Variants in PTPRE observed in about 807,000 individuals in gnomAD.
The protein encoded by PTPRE is receptor-type tyrosine-protein phosphatase epsilon.
PTPRE carries 51 observed loss-of-function variants against 102.0 expected under a neutral mutation model. The observed-to-expected ratio is 0.50, with a 90% CI of 0.40 to 0.63. The LOEUF is 0.63. PTPRE is among the 30% of genes least tolerant of loss of function. The pLI is 0.00. For synonymous variants in PTPRE, 345 were observed against 348.2 expected (o/e 0.99, Z 0.10); for missense variants, 752 against 915.1 (o/e 0.82, Z 2.30).
intron 16 of PTPRE, chr10:128,072,591 G>GCAGTGAGCTGAGATTA (rs1850869226): frequency 6.2e-6 from 1 of 161,634 alleles, no homozygotes; most frequent in Non-Finnish European, 1.3e-5. Flanking sequence ...GGCTGAGGTT[G>GCAGTGAGCTGAGATTA]CAGTGAGCTG....
intron 12 of PTPRE, 171 bp from the exon 13 acceptor site, chr10:128,069,521 T>C (rs1207038482): frequency 1.2e-6 from 1 of 839,434 alleles, no homozygotes; most frequent in Non-Finnish European, 1.8e-6. Flanking sequence ...CTGAGATCAC[T>C]TTACTGAGAC....
rs116514568 is a variant in PTPRE at position 128,035,544 on chromosome 10, T to C, written c.-7-5331T>C. Among the ~76,000 whole-genome samples, 303 of 152,266 alleles carry C rather than the reference T, an allele frequency of 2.0e-3. 1 individual carries two copies. Among genetic ancestry groups the C allele is most frequent in the African/African-American group, 7.0e-3 (289 of 41,546 alleles). On this transcript the variant is annotated intron_variant, in intron 2 of 20. Coordinates refer to ENST00000254667, the MANE Select transcript of PTPRE (RefSeq NM_006504.6). ...AAGTGCGGTGGCTTTGAAACCTGAG[T>C]ATGGCTCCCAAATCATTGTCTCCTG... is the stretch of plus-strand genomic sequence containing the variant.
intron 2 of PTPRE, among the ~76,000 whole-genome samples, chr10:128,005,471 T>C (rs1365397433): frequency 2.6e-5 from 4 of 152,332 alleles, no homozygotes; most frequent in African/African-American, 9.6e-5. Context: ...TCATAGTCTG[T>C]CTTCCCCATC....
intron 2 of PTPRE, among the ~76,000 whole-genome samples, chr10:128,011,931 GAA>G (rs1845053548): frequency 6.6e-6 from 1 of 152,214 alleles, no homozygotes; most frequent in Non-Finnish European, 1.5e-5. Flanking sequence ...CCTAAGGGCG[GAA>G]ACTGTCCCAA....
intron 1 of PTPRE, among the ~76,000 whole-genome samples, chr10:127,958,232 C>T (rs912713346): frequency 6.6e-6 from 1 of 152,110 alleles, no homozygotes; most frequent in African/African-American, 2.4e-5. Flanking sequence ...CATATGATAT[C>T]AGAAAGGAGT....
At chr10:127,921,341 G>T (rs1278585375) in intron 1 of PTPRE, among the ~76,000 whole-genome samples, 2 of 152,206 alleles carry the variant, frequency 1.3e-5, no homozygotes, top group Non-Finnish European at 2.9e-5. Context: ...GATTTGAAAA[G>T]GGATTGAGAC....
chr10:128,016,735 C>A (rs1845465868), intron 2 of PTPRE, among the ~76,000 whole-genome samples: 1 of 152,152 alleles, frequency 6.6e-6, no homozygotes, highest in South Asian at 2.1e-4. Flanking sequence ...CCCAGTGGCC[C>A]CAGTCATGCT....
chr10:128,056,246 T>C (rs764995229), intron 7 of PTPRE, 33 bp downstream of exon 7: 3 of 1,551,702 alleles, frequency 1.9e-6, no homozygotes, highest in South Asian at 2.2e-5. Context: ...GCATGATCAA[T>C]GGTGTTTGCA....
chr10:128,072,307 A>G (rs1850840943), intron 16 of PTPRE, 93 bp downstream of exon 16: 2 of 1,160,360 alleles, frequency 1.7e-6, no homozygotes, highest in Admixed American at 5.4e-5. Context: ...ATGAGAAAGA[A>G]TTGACATGTT....
At chr10:127,958,490 A>G (rs1321460067) in intron 1 of PTPRE, among the ~76,000 whole-genome samples, 1 of 152,090 alleles carries the variant, frequency 6.6e-6, no homozygotes, top group Non-Finnish European at 1.5e-5. Flanking sequence ...GATGTGATGG[A>G]TTACATTAAT....
intron 2 of PTPRE, chr10:127,999,992 C>T (rs1853702171): frequency 1.0e-6 from 1 of 981,750 alleles, no homozygotes; most frequent in South Asian, 4.7e-5. Context: ...AGCGCAGACG[C>T]GGAAAGGGAT....
rs377579098 is a variant in PTPRE, at chr10:128,035,069, G to A, written c.-7-5806G>A. 1.8e-4 allele frequency among the ~76,000 whole-genome samples: 27 copies of A among 151,936 alleles called. No homozygotes were observed. In the South Asian group the frequency reaches 2.5e-3, roughly 14 times the overall value. The stretch of plus-strand genomic sequence containing the variant: ...CATGATCTCGGCTATTGCAACCTCC[G>A]CTTCCCAAGCTCAAGTGATCCTCCC... On this transcript the variant is annotated intron_variant, in intron 2 of 20. Transcript: ENST00000254667.
intron 1 of PTPRE, among the ~76,000 whole-genome samples, chr10:127,979,187 C>T (rs1007454607): frequency 6.6e-6 from 1 of 152,140 alleles, no homozygotes; most frequent in African/African-American, 2.4e-5. Flanking sequence ...AGGACAACAA[C>T]GTTCAAGAGA....
chr10:127,943,533 G>C (rs1170956754), intron 1 of PTPRE, among the ~76,000 whole-genome samples: 1 of 152,180 alleles, frequency 6.6e-6, no homozygotes, highest in Non-Finnish European at 1.5e-5. Flanking sequence ...AGGAAGGTCG[G>C]TGAAGACCCC....
intron 2 of PTPRE, among the ~76,000 whole-genome samples, chr10:128,010,109 C>T (rs1022673286): frequency 2.6e-5 from 4 of 152,208 alleles, no homozygotes; most frequent in Admixed American, 6.5e-5. Flanking sequence ...TGGGCAGCCC[C>T]TGGGTGCCAG....
At chr10:127,934,445 G>C (rs1230528558) in intron 1 of PTPRE, 1 of 152,176 alleles carries the variant, frequency 6.6e-6, no homozygotes, top group Non-Finnish European at 1.5e-5. Flanking sequence ...ATTGAGCTGG[G>C]CTACCTCTCT....
chr10:128,012,005 GCCCAGGTGTGAA>G (rs1189481186), intron 2 of PTPRE, among the ~76,000 whole-genome samples: 1 of 152,246 alleles, frequency 6.6e-6, no homozygotes, highest in Non-Finnish European at 1.5e-5. Flanking sequence ...AAGATAGACA[GCCCAGGTGTGAA>G]CCCAGGTCCA....
rs143477668 is a variant in PTPRE, at chr10:128,069,489, C to T, written c.1008-203C>T. On this transcript the variant is annotated intron_variant, in intron 12 of 20. Transcript: ENST00000254667. Reference sequence around the variant, plus strand: ...GTTAATGTGCCTCTTAGTAGAGTGTCGGTGGCTATCAGAGGACCGGCCTGA... The same window carrying T: ...GTTAATGTGCCTCTTAGTAGAGTGTTGGTGGCTATCAGAGGACCGGCCTGA... The T allele has an allele frequency of 7.7e-5, 48 of 623,840 alleles. No homozygotes were observed. The Admixed American group carries it at 1.2e-3, about 15-fold the overall frequency. The allele number at this position is 623,840 out of a possible 1,614,324, so 38.6% of individuals were successfully genotyped here. A position where few individuals can be genotyped will look rare whatever the true frequency, so the allele number is the denominator to read the frequency against.
rs182507436 is a variant in PTPRE at position 127,978,286 on chromosome 10, G to A, written c.-30-3988G>A. 2.7e-3 allele frequency among the ~76,000 whole-genome samples: 411 copies of A among 151,822 alleles called. 1 individual carries two copies. The highest frequency in any genetic ancestry group is 9.3e-3 in the African/African-American group (385 of 41,440). ...GGGTATAGTGGCTCACGCCTGTAAT[G>A]CCAGCACTTTGGGAGGCCAAGGTGG... On this transcript the variant is annotated intron_variant, in intron 1 of 20. Coordinates refer to ENST00000254667, the MANE Select transcript of PTPRE (RefSeq NM_006504.6).
Sources: allele counts gnomAD v4.1 joint callset (sites outside exome capture counted in the v4.1 genomes callset), GRCh38; gene constraint gnomAD v4.1.1; transcripts MANE v1.5; gene names NCBI Gene and HGNC (gene_info 2026-07-23, HGNC 2026-07-21).